DIP2C: variants seen among roughly 807,000 people sequenced by gnomAD.
DIP2C encodes disco-interacting protein 2 homolog C.
A neutral mutation model predicts 192.4 loss-of-function variants in DIP2C; 33 were observed. The ratio of observed to expected loss-of-function variants is 0.17; its 90% confidence interval spans 0.13 to 0.23. The LOEUF (loss-of-function observed/expected upper bound fraction) is 0.23. Ranked by LOEUF, DIP2C falls within the 10% of genes least tolerant of loss-of-function variation. The probability of loss-of-function intolerance (pLI) is 1.00; values close to 1 mark genes in which losing one functional copy is unlikely to be tolerated. For synonymous variants in DIP2C, 979 were observed against 864.1 expected (o/e 1.13, Z -2.33); for missense variants, 1,537 against 2,110.1 (o/e 0.73, Z 5.32).
rs1262932844 is a variant in DIP2C at position 662,883 on chromosome 10, C to T, written c.85+26611G>A. 4.2e-6 allele frequency: 3 copies of T among 717,572 alleles called. No homozygotes were observed. The Admixed American group carries it at 6.0e-5, about 14-fold the overall frequency. 44.5% of individuals were successfully genotyped at this position (717,572 alleles called of 1,614,324 possible). A position where few individuals can be genotyped will look rare whatever the true frequency, so the allele number is the denominator to read the frequency against. ...AGAACCACACTCAGCAGCAGCCTAG[C>T]CCCACGTGGAAGAGGCGTGAACACT... On this transcript the variant is annotated intron_variant, in intron 1 of 36. Transcript: ENST00000280886.
intron 1 of DIP2C, among the ~76,000 whole-genome samples, chr10:625,944 TCAA>T (rs1310503041): frequency 1.3e-5 from 2 of 152,120 alleles, no homozygotes; most frequent in Non-Finnish European, 2.9e-5. Context: ...AAATGTTGTG[TCAA>T]AAGAGCGTTT....
intron 5 of DIP2C, 49 bp from the exon 6 acceptor site, chr10:419,248 C>A: frequency 6.2e-7 from 1 of 1,612,034 alleles, no homozygotes; most frequent in Non-Finnish European, 8.5e-7. Context: ...GATGTTTGCT[C>A]TGAAGGTGGA....
chr10:593,218 A>G (rs1191277427), intron 1 of DIP2C, among the ~76,000 whole-genome samples: 1 of 151,822 alleles, frequency 6.6e-6, no homozygotes, highest in Non-Finnish European at 1.5e-5. Flanking sequence ...CTCATTCAAC[A>G]TCCCCCCGGG....
At chr10:391,913 C>G (rs1963489042) in intron 10 of DIP2C, among the ~76,000 whole-genome samples, 1 of 152,184 alleles carries the variant, frequency 6.6e-6, no homozygotes, top group South Asian at 2.1e-4. Flanking sequence ...GCTGTAGTCT[C>G]TTAAGTGTTT....
At chr10:326,129 G>C (rs1957263678) in intron 31 of DIP2C, among the ~76,000 whole-genome samples, 1 of 152,142 alleles carries the variant, frequency 6.6e-6, no homozygotes, top group Non-Finnish European at 1.5e-5. Context: ...AGGGGGTTGA[G>C]GCTGCAGTGA....
intron 31 of DIP2C, among the ~76,000 whole-genome samples, chr10:325,179 G>A (rs1957218613): frequency 6.7e-6 from 1 of 149,230 alleles, no homozygotes; most frequent in Non-Finnish European, 1.5e-5. Context: ...GCAGGAGAAT[G>A]GCGTGAACCC....
intron 17 of DIP2C, among the ~76,000 whole-genome samples, chr10:373,737 T>C (rs1294230337): frequency 1.3e-5 from 2 of 152,180 alleles, no homozygotes; most frequent in African/African-American, 2.4e-5. Flanking sequence ...GGGTCGATTG[T>C]ATCCTGAGTT....
chr10:443,280 T>C (rs1049008339), intron 3 of DIP2C, among the ~76,000 whole-genome samples: 36 of 152,356 alleles, frequency 2.4e-4, no homozygotes, highest in African/African-American at 8.4e-4. Context: ...ATCTTCTACA[T>C]TCACTTAAAA....
chr10:641,174 T>C (rs1200144930), intron 1 of DIP2C, among the ~76,000 whole-genome samples: 1 of 151,134 alleles, frequency 6.6e-6, no homozygotes, highest in African/African-American at 2.4e-5. Context: ...CCTTGGAAGA[T>C]CTCAAGGCAA....
chr10:554,927 C>T (rs935896660), intron 1 of DIP2C, among the ~76,000 whole-genome samples: 1 of 152,110 alleles, frequency 6.6e-6, no homozygotes, highest in African/African-American at 2.4e-5. Context: ...CAGGAGATGA[C>T]CACTTCTCTC....
At chr10:449,262 C>CAA (rs1245779565) in intron 3 of DIP2C, among the ~76,000 whole-genome samples, 4 of 152,192 alleles carry the variant, frequency 2.6e-5, no homozygotes, top group African/African-American at 7.2e-5. Flanking sequence ...AAGGGACTTT[C>CAA]AAGCTCATCT....
intron 14 of DIP2C, among the ~76,000 whole-genome samples, chr10:386,681 A>G (rs1478926358): frequency 3.9e-5 from 6 of 152,354 alleles, no homozygotes; most frequent in South Asian, 4.1e-4. Flanking sequence ...TCCTCTTCAC[A>G]TGAATTCTGG....
At chr10:637,510 C>T (rs1854905223) in intron 1 of DIP2C, among the ~76,000 whole-genome samples, 1 of 152,192 alleles carries the variant, frequency 6.6e-6, no homozygotes, top group African/African-American at 2.4e-5. Context: ...TCACTGGGTC[C>T]GCACACAGTG....
chr10:477,612 G>A (rs561290170), intron 2 of DIP2C, among the ~76,000 whole-genome samples: 9 of 57,228 alleles, frequency 1.6e-4, no homozygotes, highest in African/African-American at 4.5e-4. Flanking sequence ...AAGGTGGATG[G>A]GTGGGAGGAA....
At chr10:605,999 G>A (rs1008403533) in intron 1 of DIP2C, among the ~76,000 whole-genome samples, 5 of 152,202 alleles carry the variant, frequency 3.3e-5, no homozygotes, top group East Asian at 1.9e-4. Context: ...TCCGGCTCCT[G>A]TAAGACTCTC....
chr10:414,852 TTGTGTGTGTGTGTGTGTGTGTGTG>T, intron 7 of DIP2C, among the ~76,000 whole-genome samples: 2 of 98,870 alleles, frequency 2.0e-5, no homozygotes, highest in South Asian at 3.6e-4. Flanking sequence ...ACATATATAT[TTGTGTGTGTGTGTGTGTGTGTGTG>T]TGTGTGTGTG....
At chr10:613,510 C>G (rs2131792324) in intron 1 of DIP2C, among the ~76,000 whole-genome samples, 2 of 152,330 alleles carry the variant, frequency 1.3e-5, no homozygotes, top group South Asian at 4.1e-4. Flanking sequence ...TTTTTCTTGG[C>G]AAGGCTTGAC....
chr10:458,303 G>A (rs936433055), intron 3 of DIP2C, among the ~76,000 whole-genome samples: 2 of 152,254 alleles, frequency 1.3e-5, no homozygotes, highest in African/African-American at 2.4e-5. Context: ...GAGAACACAG[G>A]TCACAGGACA....
At chr10:362,047 T>C (rs1959595386) in intron 22 of DIP2C, among the ~76,000 whole-genome samples, 1 of 147,906 alleles carries the variant, frequency 6.8e-6, no homozygotes, top group Admixed American at 6.8e-5. Flanking sequence ...CCAGAGACCA[T>C]GAGAACAATG....
Sources: gnomAD v4.1 joint callset for allele counts (sites outside exome capture counted in the v4.1 genomes callset) on GRCh38, gnomAD v4.1.1 for gene constraint, MANE v1.5 for transcripts, NCBI Gene and HGNC (gene_info 2026-07-23, HGNC 2026-07-21) for gene names.